Variants in COBL observed in about 807,000 individuals in gnomAD.
COBL encodes protein cordon-bleu.
A neutral mutation model predicts 98.8 loss-of-function variants in COBL; 51 were observed. That is an observed-to-expected ratio of 0.52 (90% CI 0.41 to 0.65). The LOEUF is 0.65. Ranked by LOEUF, COBL falls within the 30% of genes least tolerant of loss-of-function variation. The probability of loss-of-function intolerance (pLI) is 0.00; values close to 1 mark genes in which losing one functional copy is unlikely to be tolerated. For synonymous variants in COBL, 634 were observed against 651.7 expected, an observed-to-expected ratio of 0.97 and a Z score of 0.41; for missense variants, 1,617 against 1,617.5, an observed-to-expected ratio of 1.00 and a Z score of 0.01.
chr7:51,305,072 C>T (rs1268811722), intron 1 of COBL, among the ~76,000 whole-genome samples: 1 of 152,200 alleles, frequency 6.6e-6, no homozygotes, highest in African/African-American at 2.4e-5. Flanking sequence ...CACTGTGACA[C>T]AACAAAGAGG....
Position 51,229,433 on chromosome 7 carries a change from G to A in COBL, c.42-9489C>T, listed in dbSNP as rs561111468. On this transcript the variant is annotated intron_variant, in intron 1 of 12. Coordinates refer to ENST00000265136, the MANE Select transcript of COBL (RefSeq NM_015198.5). Reference sequence around the variant, plus strand: ...TTGTGAGGGAGGAAGGGCTGAGCTCGCCTTTCATCGGGATGCCTGGCAGCA... The same window carrying A: ...TTGTGAGGGAGGAAGGGCTGAGCTCACCTTTCATCGGGATGCCTGGCAGCA... Among the ~76,000 whole-genome samples, 9 of 152,282 alleles carry A rather than the reference G, an allele frequency of 5.9e-5. No homozygotes were observed. In the East Asian group the frequency reaches 7.7e-4, roughly 13 times the overall value.
intron 1 of COBL, among the ~76,000 whole-genome samples, chr7:51,235,805 G>T (rs1462019136): frequency 6.6e-5 from 10 of 152,054 alleles, no homozygotes; most frequent in Admixed American, 3.9e-4. Flanking sequence ...AACATGGGAG[G>T]CCCTGACTCT....
intron 6 of COBL, among the ~76,000 whole-genome samples, chr7:51,129,489 A>G (rs992186426): frequency 1.4e-5 from 2 of 147,486 alleles, no homozygotes; most frequent in African/African-American, 5.4e-5. Flanking sequence ...TGACCCACAC[A>G]TGTTTGGTAA....
rs920314487 is a variant in COBL at position 51,017,364 on chromosome 7, G to A, written c.*187C>T. 6.3e-5 allele frequency: 40 copies of A among 636,552 alleles called. No individual in the cohort carries two copies. Among genetic ancestry groups the A allele is most frequent in the African/African-American group, 2.7e-4 (15 of 55,166 alleles). The allele number at this position is 636,552 out of a possible 1,614,324, so 39.4% of individuals were successfully genotyped here. A position where few individuals can be genotyped will look rare whatever the true frequency, so the allele number is the denominator to read the frequency against. ...TTCCTTGGCACACGAGCTGCGCAGC[G>A]ACACAGCATCTTCTCCTTTCCTTTC... On this transcript the variant is annotated 3_prime_UTR_variant, in exon 13 of 13. Coordinates refer to ENST00000265136, the MANE Select transcript of COBL (RefSeq NM_015198.5).
At chr7:51,112,470 A>G (rs905073658) in intron 6 of COBL, among the ~76,000 whole-genome samples, 1 of 152,224 alleles carries the variant, frequency 6.6e-6, no homozygotes, top group African/African-American at 2.4e-5. Flanking sequence ...ATCAATGAGC[A>G]CTGTTTCCTT....
At chr7:51,059,807 T>C (rs1791141834) in intron 7 of COBL, among the ~76,000 whole-genome samples, 1 of 152,190 alleles carries the variant, frequency 6.6e-6, no homozygotes, top group Non-Finnish European at 1.5e-5. Context: ...ATGATTGCCT[T>C]CTATGTGCTA....
chr7:51,290,366 G>A (rs1358309241), intron 1 of COBL, among the ~76,000 whole-genome samples: 3 of 152,192 alleles, frequency 2.0e-5, no homozygotes, highest in Admixed American at 6.5e-5. Context: ...TAGAATGCCT[G>A]GCCGGGTGAT....
intron 1 of COBL, among the ~76,000 whole-genome samples, chr7:51,270,596 C>A (rs1167467221): frequency 6.6e-6 from 1 of 152,046 alleles, no homozygotes; most frequent in Non-Finnish European, 1.5e-5. Flanking sequence ...CTGGGAGAGA[C>A]AACATAAATT....
chr7:51,176,530 C>A (rs1788402624), intron 5 of COBL, among the ~76,000 whole-genome samples: 1 of 152,134 alleles, frequency 6.6e-6, no homozygotes. Context: ...CAAATATACT[C>A]CCTTGGTCTG....
intron 1 of COBL, among the ~76,000 whole-genome samples, chr7:51,292,209 G>C (rs553697803): frequency 8.0e-4 from 121 of 151,398 alleles, no homozygotes; most frequent in Non-Finnish European, 1.5e-3. Context: ...CTCATTAATG[G>C]ACCCATACGA....
intron 6 of COBL, among the ~76,000 whole-genome samples, chr7:51,098,594 C>A (rs1287265961): frequency 1.3e-5 from 2 of 151,912 alleles, no homozygotes; most frequent in Non-Finnish European, 2.9e-5. Context: ...TTACCGTTAA[C>A]CATATAAAAA....
chr7:51,244,333 C>A (rs559231805), intron 1 of COBL, among the ~76,000 whole-genome samples: 4 of 152,246 alleles, frequency 2.6e-5, no homozygotes, highest in South Asian at 4.1e-4. Context: ...TTCCTGTACA[C>A]CTGCTGTCAT....
intron 1 of COBL, among the ~76,000 whole-genome samples, chr7:51,277,264 G>C (rs1170361415): frequency 1.3e-5 from 2 of 152,190 alleles, no homozygotes; most frequent in Non-Finnish European, 2.9e-5. Context: ...GTGAGTTCAT[G>C]AATATGTGTG....
chr7:51,191,484 A>G (rs903630952), intron 3 of COBL, among the ~76,000 whole-genome samples: 9 of 151,708 alleles, frequency 5.9e-5, no homozygotes, highest in Admixed American at 2.0e-4. Context: ...ACATGACATC[A>G]AAGTTTTAAG....
intron 5 of COBL, among the ~76,000 whole-genome samples, chr7:51,161,435 A>G (rs1011001132): frequency 4.6e-5 from 7 of 152,208 alleles, no homozygotes; most frequent in East Asian, 1.9e-4. Context: ...CCTGCCTCCA[A>G]TACTGCAGAG....
chr7:51,287,229 T>C (rs995295243), intron 1 of COBL, among the ~76,000 whole-genome samples: 12 of 152,052 alleles, frequency 7.9e-5, no homozygotes, highest in African/African-American at 2.7e-4. Flanking sequence ...ATATGAACCC[T>C]CTTATTCCAA....
intron 6 of COBL, among the ~76,000 whole-genome samples, chr7:51,128,014 T>C (rs1798387810): frequency 6.6e-6 from 1 of 152,206 alleles, no homozygotes; most frequent in Admixed American, 6.5e-5. Flanking sequence ...AAGAAAGTCT[T>C]GGCAGCTAGT....
intron 12 of COBL, 82 bp from the exon 13 acceptor site, chr7:51,017,650 C>G: frequency 7.1e-7 from 1 of 1,408,086 alleles, no homozygotes; most frequent in Non-Finnish European, 1.0e-6. Context: ...GAGCTCTGTG[C>G]ACAGCCACTC....
intron 1 of COBL, among the ~76,000 whole-genome samples, chr7:51,293,098 G>T: frequency 6.6e-6 from 1 of 152,324 alleles, no homozygotes; most frequent in Middle Eastern, 3.4e-3. Flanking sequence ...GCTAGAAGAG[G>T]AAGAAACAAT....
Sources: gnomAD v4.1 joint callset for allele counts (sites outside exome capture counted in the v4.1 genomes callset) on GRCh38, gnomAD v4.1.1 for gene constraint, MANE v1.5 for transcripts, NCBI Gene and HGNC (gene_info 2026-07-23, HGNC 2026-07-21) for gene names.